Variants in CMYA5 observed in about 807,000 individuals in gnomAD.
CMYA5 encodes cardiomyopathy-associated protein 5.
Under a neutral mutation model 318.9 loss-of-function variants are expected in CMYA5, and 246 were observed. That is an observed-to-expected ratio of 0.77 (90% CI 0.70 to 0.86). The LOEUF (loss-of-function observed/expected upper bound fraction) is 0.86. CMYA5 is among the 40% of genes least tolerant of loss of function. The pLI, the probability that CMYA5 is intolerant of heterozygous loss-of-function variation, is 0.00. For missense variants in CMYA5, 4,589 were observed against 4,678.2 expected (o/e 0.98, Z 0.56); for synonymous variants, 1,641 against 1,729.5 (o/e 0.95, Z 1.27).
intron 9 of CMYA5, among the ~76,000 whole-genome samples, chr5:79,772,711 C>T (rs1561226820): frequency 2.0e-5 from 3 of 152,148 alleles, no homozygotes; most frequent in African/African-American, 4.8e-5. Context: ...GACTGCAAAA[C>T]TCATTTTTAT....
chr5:79,785,125 T>C (rs1829060171), intron 9 of CMYA5, among the ~76,000 whole-genome samples: 1 of 152,034 alleles, frequency 6.6e-6, no homozygotes, highest in Non-Finnish European at 1.5e-5. Context: ...AGAGACTATA[T>C]GTTTGGGTCT....
chr5:79,756,235 G>C (rs965128771), intron 6 of CMYA5, among the ~76,000 whole-genome samples: 1 of 152,128 alleles, frequency 6.6e-6, no homozygotes, highest in African/African-American at 2.4e-5. Flanking sequence ...AGTTCCTGGG[G>C]AGGTGCTCTC....
In CMYA5 at chr5:79,738,076, A is replaced by G; in HGVS notation, c.9311A>G (p.His3104Arg). The change falls in exon 2 of 13, where the codon CAT (histidine) becomes CGT (arginine). Residue 3104 changes from histidine to arginine, a missense_variant. Coordinates refer to ENST00000446378, the MANE Select transcript of CMYA5 (RefSeq NM_153610.5). ...PVSSVESALE[H>R]EYDLVKLDES... ...AGTTCAGTGGAAAGTGCACTAGAACATGAATATGACTTGGTGAAATTAGAT... is the reference window on the plus strand; with the variant it reads ...AGTTCAGTGGAAAGTGCACTAGAACGTGAATATGACTTGGTGAAATTAGAT... 3 of 1,613,538 alleles carry G rather than the reference A, an allele frequency of 1.9e-6. No homozygotes were observed. The highest frequency in any genetic ancestry group is 2.5e-6 in the Non-Finnish European group (3 of 1,179,754).
chr5:79,735,737 T>C lies in CMYA5; in HGVS notation c.6972T>C (p.Gly2324=), dbSNP rs1048543048. The C allele has an allele frequency of 6.3e-7, 1 of 1,592,820 alleles. No homozygotes were observed. The highest frequency in any genetic ancestry group is 1.8e-5 in the Admixed American group (1 of 54,958). ...NLEIQSYSLI[G]EKLVMEEAKT... Reference sequence around the variant, plus strand: ...AAATTCAATCTTATTCACTAATCGGTGAGAAATTGGTTATGGAAGAAGCCA... The same window carrying C: ...AAATTCAATCTTATTCACTAATCGGCGAGAAATTGGTTATGGAAGAAGCCA... Residue 2324 remains glycine (G), a synonymous_variant, in exon 2 of 13, where the codon GGT becomes GGC. Coordinates refer to ENST00000446378, the MANE Select transcript of CMYA5 (RefSeq NM_153610.5).
Position 79,735,648 on chromosome 5 carries a change from T to C in CMYA5, c.6883T>C (p.Ser2295Pro). Residue 2295 changes from serine to proline, a missense_variant, in exon 2 of 13, where the codon TCA (serine) becomes CCA (proline). Ser to Pro is a moderately conservative substitution (Grantham distance 74, BLOSUM62 -1). Transcript: ENST00000446378. Reference sequence around the variant, plus strand: ...GGAAGATTATGGAAAAAAAGAAATCTCAGGCGATTCAGAGGAAATGAACAT... The same window carrying C: ...GGAAGATTATGGAAAAAAAGAAATCCCAGGCGATTCAGAGGAAATGAACAT... The part of the protein sequence containing the change: ...SREDYGKKEI[S>P]GDSEEMNINS... 6.2e-7 allele frequency: 1 copy of C among 1,613,410 alleles called. No homozygotes were observed. The highest frequency in any genetic ancestry group is 2.2e-5 in the East Asian group (1 of 44,850).
chr5:79,701,010 T>TGA (rs1158344227), intron 1 of CMYA5, among the ~76,000 whole-genome samples: 1 of 148,946 alleles, frequency 6.7e-6, no homozygotes, highest in Non-Finnish European at 1.5e-5. Context: ...TTCGGGAGGC[T>TGA]GAGGCAAGCG....
intron 9 of CMYA5, among the ~76,000 whole-genome samples, chr5:79,778,815 G>GTGTGTGTGTGTGTGTGTGTA (rs1828994491): frequency 9.4e-6 from 1 of 106,070 alleles, no homozygotes; most frequent in African/African-American, 5.0e-5. Flanking sequence ...CTCTTTCTGT[G>GTGTGTGTGTGTGTGTGTGTA]TGTGTGTGTG....
intron 5 of CMYA5, among the ~76,000 whole-genome samples, chr5:79,748,434 A>C (rs1176683108): frequency 6.6e-6 from 1 of 152,212 alleles, no homozygotes; most frequent in Non-Finnish European, 1.5e-5. Context: ...CAATTCTCAC[A>C]GACGAGTCTA....
intron 1 of CMYA5, among the ~76,000 whole-genome samples, chr5:79,721,481 T>A (rs2151081463): frequency 1.3e-5 from 2 of 152,308 alleles, no homozygotes; most frequent in Non-Finnish European, 2.9e-5. Flanking sequence ...TATTTAAAAG[T>A]TAGAGAGCTC....
At position 79,733,982 on chromosome 5, in the gene CMYA5, A is replaced by C. The variant is rs1348214726; in HGVS notation, c.5217A>C (p.Glu1739Asp). The C allele has an allele frequency of 6.2e-7, 1 of 1,613,652 alleles. No individual in the cohort carries two copies. The highest frequency in any genetic ancestry group is 2.2e-5 in the East Asian group (1 of 44,874). ...CTGTAGCTGAAGGAGGCAACCCAGAAGAATTTCAGCCATTTACTTTTTCTT... is the reference window on the plus strand; with the variant it reads ...CTGTAGCTGAAGGAGGCAACCCAGACGAATTTCAGCCATTTACTTTTTCTT... Reference protein sequence around the residue: ...PASVAEGGNPEEFQPFTFSLK... With the variant: ...PASVAEGGNPDEFQPFTFSLK... Residue 1739 changes from glutamate to aspartate, a missense_variant, in exon 2 of 13, where the codon GAA becomes GAC. Physicochemically the swap from Glu to Asp is conservative, Grantham distance 45. This residue lies in a region of CMYA5 where 2,132 missense variants were observed against 2,131.3 expected (regional missense o/e 1.00). Transcript: ENST00000446378.
chr5:79,701,226 ACT>A (rs1274262388), intron 1 of CMYA5, among the ~76,000 whole-genome samples: 5 of 151,676 alleles, frequency 3.3e-5, no homozygotes, highest in African/African-American at 1.2e-4. Context: ...CCAGAGCAAG[ACT>A]CTGTCTCAAA....
Position 79,799,418 on chromosome 5 carries a change from G to A in CMYA5, c.12012G>A (p.Glu4004=). 6 of 1,613,686 alleles carry A rather than the reference G, an allele frequency of 3.7e-6. No individual in the cohort carries two copies. The highest frequency in any genetic ancestry group is 5.1e-6 in the Non-Finnish European group (6 of 1,179,642). ...SGIVSDVHVT[E]RPARVGILLD... The stretch of plus-strand genomic sequence containing the variant: ...TTGTGAGTGATGTTCATGTGACTGA[G>A]CGTCCAGCCAGAGTGGGCATCCTGC... Residue 4004 remains glutamate (E), a synonymous_variant, in exon 13 of 13, where the codon GAG becomes GAA. Coordinates refer to ENST00000446378, the MANE Select transcript of CMYA5 (RefSeq NM_153610.5).
At position 79,738,615 on chromosome 5, in the gene CMYA5, G is replaced by A. The variant is rs1282291564; in HGVS notation, c.9850G>A (p.Gly3284Arg). Residue 3284 changes from glycine to arginine, a missense_variant, in exon 2 of 13, where the codon GGA becomes AGA. By Grantham distance (125) the Gly-to-Arg change is moderately radical. This residue lies in a region of CMYA5 where 2,431 missense variants were observed against 2,495.1 expected (regional missense o/e 0.97). Transcript: ENST00000446378. ...QPIAAEGEIWGKFGTICREKS... is the reference protein window; with the variant it reads ...QPIAAEGEIWRKFGTICREKS... ...GATAGCTGCAGAAGGGGAAATTTGG[G>A]GAAAGTTTGGAACTATTTGCAGGGA... 5 of 1,613,690 alleles carry A rather than the reference G, an allele frequency of 3.1e-6. No individual in the cohort carries two copies. The Admixed American group carries it at 8.3e-5, about 27-fold the overall frequency.
At chr5:79,790,903 G>A in intron 10 of CMYA5, 67 bp from the exon 11 acceptor site, 2 of 1,039,536 alleles carry the variant, frequency 1.9e-6, no homozygotes, top group Non-Finnish European at 2.9e-6. Flanking sequence ...TGAAATGTGG[G>A]GCTTAGCCTA....
At chr5:79,749,624 G>A (rs1483222251) in intron 5 of CMYA5, among the ~76,000 whole-genome samples, 1 of 151,890 alleles carries the variant, frequency 6.6e-6, no homozygotes, top group Admixed American at 6.6e-5. Flanking sequence ...GTAAATATTA[G>A]TCTATTTTAT....
chr5:79,791,242 G>A (rs6866125), intron 11 of CMYA5, among the ~76,000 whole-genome samples, 173 bp downstream of exon 11: 26,740 of 152,066 alleles, frequency 0.18, 2,765 homozygotes, highest in Admixed American at 0.31. Flanking sequence ...GTTCCCTACC[G>A]AGCGATAGTT....
rs1037531924 is a variant in CMYA5, at chr5:79,690,047, C to T, written c.140C>T (p.Pro47Leu). Residue 47 changes from proline to leucine, a missense_variant, in exon 1 of 13, where the codon CCG (proline) becomes CTG (leucine). Pro to Leu is a moderately conservative substitution (Grantham distance 98). This residue lies in a region of CMYA5 where 2,132 missense variants were observed against 2,131.3 expected (regional missense o/e 1.00). Transcript: ENST00000446378. ...ACGGCGGCGGAGTCGGAGGAGGAGC[C>T]GGACTCCAGGTAGCGCGAGCCTCTC... ...DETAAESEEE[P>L]DSRLSDQDEE... The T allele has an allele frequency of 2.1e-6, 3 of 1,453,144 alleles. No individual in the cohort carries two copies. The African/African-American group carries it at 4.5e-5, about 22-fold the overall frequency. The allele number at this position is 1,453,144 out of a possible 1,614,324, so 90.0% of individuals were successfully genotyped here. A position where few individuals can be genotyped will look rare whatever the true frequency, so the allele number is the denominator to read the frequency against.
intron 1 of CMYA5, among the ~76,000 whole-genome samples, chr5:79,695,731 T>G (rs998098475): frequency 6.6e-6 from 1 of 152,240 alleles, no homozygotes; most frequent in African/African-American, 2.4e-5. Flanking sequence ...AGCGGTTAAT[T>G]TCAATGTAAT....
rs1441187203 is a variant in CMYA5 at position 79,731,692 on chromosome 5, T to A, written c.2927T>A (p.Ile976Lys). The change falls in exon 2 of 13, where the codon ATA becomes AAA. Residue 976 changes from isoleucine (I) to lysine (K), a missense_variant. By Grantham distance (102) the Ile-to-Lys change is moderately radical (BLOSUM62 -3). This residue lies in a region of CMYA5 where 2,132 missense variants were observed against 2,131.3 expected (regional missense o/e 1.00). Transcript: ENST00000446378. The part of the protein sequence containing the change: ...EKREFECDSP[I>K]CLTSPSEHTI... Reference sequence around the variant, plus strand: ...AGAGAATTTGAGTGCGATTCTCCAATATGTTTAACATCACCATCTGAGCAC... The same window carrying A: ...AGAGAATTTGAGTGCGATTCTCCAAAATGTTTAACATCACCATCTGAGCAC... The A allele has an allele frequency of 6.2e-7, 1 of 1,613,966 alleles. No individual in the cohort carries two copies. Among genetic ancestry groups the A allele is most frequent in the South Asian group, 1.1e-5 (1 of 91,080 alleles).
Sources: allele counts gnomAD v4.1 joint callset (sites outside exome capture counted in the v4.1 genomes callset), GRCh38; gene constraint gnomAD v4.1.1; regional missense constraint gnomAD v4.1.1; transcripts MANE v1.5; gene names NCBI Gene and HGNC (gene_info 2026-07-23, HGNC 2026-07-21).